RNLS: variants seen among roughly 807,000 people sequenced by gnomAD.
RNLS encodes renalase, FAD dependent amine oxidase, also known as renalase.
Under a neutral mutation model 39.8 loss-of-function variants are expected in RNLS, and 39 were observed. The ratio of observed to expected loss-of-function variants is 0.98; its 90% CI spans 0.76 to 1.28. RNLS has a LOEUF of 1.28. Ranked by LOEUF, RNLS falls within the 50% of genes most tolerant of loss-of-function variation. The probability of loss-of-function intolerance (pLI) is 0.00; values close to 1 mark genes in which losing one functional copy is unlikely to be tolerated. For missense variants in RNLS, 410 were observed against 413.3 expected (o/e 0.99, Z 0.07); for synonymous variants, 147 against 150.7 (o/e 0.98, Z 0.18).
At chr10:88,447,842 G>T (rs1022784736) in intron 4 of RNLS, among the ~76,000 whole-genome samples, 14 of 152,234 alleles carry the variant, frequency 9.2e-5, no homozygotes, top group African/African-American at 3.1e-4. Flanking sequence ...AGAGCCCTCA[G>T]AAATAATACC....
intron 4 of RNLS, among the ~76,000 whole-genome samples, chr10:88,390,347 AG>A (rs1258715420): frequency 1.3e-5 from 2 of 152,228 alleles, no homozygotes; most frequent in Non-Finnish European, 2.9e-5. Flanking sequence ...TGAGGACCTA[AG>A]GAAGTTTTTA....
At chr10:88,249,788 T>C in the RNLS span, among the ~76,000 whole-genome samples, 1 of 152,212 alleles carries the variant, frequency 6.6e-6, no homozygotes, top group Non-Finnish European at 1.5e-5. Context: ...GAAGCTCTCT[T>C]TTATGTACTA....
chr10:88,480,789 G>GTA (rs1195581964), intron 4 of RNLS, among the ~76,000 whole-genome samples: 1 of 144,966 alleles, frequency 6.9e-6, no homozygotes, highest in Non-Finnish European at 1.5e-5. Flanking sequence ...CTGTGTCTTT[G>GTA]TGTGTGTGTG....
At chr10:88,452,314 G>C (rs1842403948) in intron 4 of RNLS, among the ~76,000 whole-genome samples, 1 of 152,172 alleles carries the variant, frequency 6.6e-6, no homozygotes, top group Non-Finnish European at 1.5e-5. Flanking sequence ...AAAGTGCCTA[G>C]TACACTTTGA....
intron 4 of RNLS, among the ~76,000 whole-genome samples, chr10:88,455,404 T>C (rs1842572539): frequency 6.6e-6 from 1 of 152,156 alleles, no homozygotes; most frequent in Non-Finnish European, 1.5e-5. Context: ...GGCCTTATAA[T>C]TAATTTTTTT....
rs1298631181 is a variant in RNLS, at chr10:88,416,183, T to G, written c.527-53458A>C. On this transcript the variant is annotated intron_variant, in intron 4 of 6. Coordinates refer to ENST00000331772, the MANE Select transcript of RNLS (RefSeq NM_001031709.3). ...GTTGCTACCTGATAACCTGACCTTATTTTTTCTCTTTGTTCTATGAAAAAA... is the reference window on the plus strand; with the variant it reads ...GTTGCTACCTGATAACCTGACCTTAGTTTTTCTCTTTGTTCTATGAAAAAA... 2.7e-5 allele frequency among the ~76,000 whole-genome samples: 4 copies of G among 150,796 alleles called. No individual in the cohort carries two copies. In the East Asian group the frequency reaches 7.7e-4, roughly 29 times the overall value.
intron 5 of RNLS, among the ~76,000 whole-genome samples, chr10:88,348,307 C>T (rs964390336): frequency 5.9e-5 from 9 of 152,250 alleles, no homozygotes; most frequent in East Asian, 1.9e-4. Flanking sequence ...TGCTTTCCCC[C>T]GGACAAATGA....
chr10:88,511,021 GA>G (rs946052773), intron 4 of RNLS, among the ~76,000 whole-genome samples: 53 of 93,128 alleles, frequency 5.7e-4, no homozygotes, highest in African/African-American at 1.3e-3. Context: ...TTTTACAAAT[GA>G]AAAAAAAAAA....
At chr10:88,246,250 AAG>A in the RNLS span, among the ~76,000 whole-genome samples, 1 of 152,196 alleles carries the variant, frequency 6.6e-6, no homozygotes, top group Admixed American at 6.5e-5. Context: ...AAAATATTCT[AAG>A]TGCAACAGCT....
Position 88,582,202 on chromosome 10 carries a change from C to A in RNLS, c.224G>T (p.Arg75Leu). The change falls in exon 2 of 7, where the codon CGT (arginine) becomes CTT (leucine). Residue 75 changes from arginine to leucine, a missense_variant and splice_region_variant. Physicochemically the swap from Arg to Leu is moderately radical, Grantham distance 102. Transcript: ENST00000331772. ...ATTCCACTCCTTGCAACTAACTCAC[C>A]GTTGGTGTTTTTTGGCATAATGAGG... ...CTPHYAKKHQ[R>L]FYDELLAYGV... The A allele has an allele frequency of 6.2e-7, 1 of 1,611,060 alleles. No individual in the cohort carries two copies. The highest frequency in any genetic ancestry group is 1.7e-5 in the Admixed American group (1 of 59,758).
At chr10:88,239,840 A>G in the RNLS span, among the ~76,000 whole-genome samples, 73 of 152,234 alleles carry the variant, frequency 4.8e-4, no homozygotes, top group Admixed American at 9.2e-4. Context: ...CAAACTGGAG[A>G]AAGTTTTCCC....
intron 6 of RNLS, among the ~76,000 whole-genome samples, chr10:88,291,750 G>A (rs762571491): frequency 1.3e-5 from 2 of 151,840 alleles, no homozygotes; most frequent in African/African-American, 2.4e-5. Flanking sequence ...TTGATGCATT[G>A]CCTTTCTCCA....
intron 4 of RNLS, among the ~76,000 whole-genome samples, chr10:88,470,292 G>A (rs1294356156): frequency 2.0e-5 from 3 of 151,970 alleles, no homozygotes; most frequent in Admixed American, 6.6e-5. Flanking sequence ...CATAGTACCC[G>A]ATAGGTAGAC....
At position 88,437,023 on chromosome 10, in the gene RNLS, A is replaced by C. The variant is rs116308548; in HGVS notation, c.527-74298T>G. Among the ~76,000 whole-genome samples the C allele has an allele frequency of 4.0e-3, 603 of 152,384 alleles. 5 individuals carry two copies. Among genetic ancestry groups the C allele is most frequent in the African/African-American group, 0.013 (525 of 41,588 alleles). ...AAATAATAGAGGTGATGCTTACAGCAGTTTGGGGGCTAATGTATAATTTAC... is the reference window on the plus strand; with the variant it reads ...AAATAATAGAGGTGATGCTTACAGCCGTTTGGGGGCTAATGTATAATTTAC... On this transcript the variant is annotated intron_variant, in intron 4 of 6. Transcript: ENST00000331772.
At chr10:88,536,611 C>T (rs556616449) in intron 4 of RNLS, among the ~76,000 whole-genome samples, 2 of 152,290 alleles carry the variant, frequency 1.3e-5, no homozygotes, top group African/African-American at 4.8e-5. Context: ...GCCTGCTCTG[C>T]GTCACACTGG....
chr10:88,248,717 C>T, the RNLS span, among the ~76,000 whole-genome samples: 3 of 152,160 alleles, frequency 2.0e-5, no homozygotes, highest in African/African-American at 7.2e-5. Context: ...CTCCCTCCCA[C>T]CAAGATGTTT....
At chr10:88,452,662 C>T (rs1188147833) in intron 4 of RNLS, among the ~76,000 whole-genome samples, 2 of 152,116 alleles carry the variant, frequency 1.3e-5, no homozygotes, top group African/African-American at 2.4e-5. Context: ...ATCTAGATAA[C>T]ACAATAAGAA....
chr10:88,296,138 G>T (rs1844084017), intron 6 of RNLS, among the ~76,000 whole-genome samples: 1 of 152,062 alleles, frequency 6.6e-6, no homozygotes, highest in African/African-American at 2.4e-5. Context: ...TAAAAAACCA[G>T]CTCCTTTCTG....
rs1037132135 is a variant in RNLS at position 88,500,100 on chromosome 10, C to T, written c.526+72803G>A. Among the ~76,000 whole-genome samples, 6 of 152,032 alleles carry T rather than the reference C, an allele frequency of 3.9e-5. 1 individual carries two copies. The highest frequency in any genetic ancestry group is 3.3e-4 in the Admixed American group (5 of 15,244). On this transcript the variant is annotated intron_variant, in intron 4 of 6. Transcript: ENST00000331772. ...GCCTCTAGTTAGTACACAATTTTAA[C>T]GGTGTTTACTAAGCAGGCATTTATG...
Sources: gnomAD v4.1 joint callset for allele counts (sites outside exome capture counted in the v4.1 genomes callset) on GRCh38, gnomAD v4.1.1 for gene constraint, MANE v1.5 for transcripts, NCBI Gene and HGNC (gene_info 2026-07-23, HGNC 2026-07-21) for gene names.